POLG: variants seen among roughly 807,000 people sequenced by gnomAD.
POLG encodes DNA polymerase gamma, catalytic subunit.
POLG carries 110 observed loss-of-function variants against 155.4 expected under a neutral mutation model. The observed-to-expected ratio is 0.71, with a 90% CI of 0.61 to 0.83. POLG has a LOEUF of 0.83. Ranked by LOEUF, POLG falls within the 40% of genes least tolerant of loss-of-function variation. POLG has a pLI of 0.00. For missense variants in POLG, 1,685 were observed against 1,627.5 expected (o/e 1.04, Z -0.61); for synonymous variants, 701 against 631.5 (o/e 1.11, Z -1.65).
At chr15:89,330,366 G>T in intron 2 of POLG, 90 bp from the exon 3 acceptor site, 2 of 1,008,214 alleles carry the variant, frequency 2.0e-6, no homozygotes, top group Non-Finnish European at 1.5e-6. Flanking sequence ...CCACATGCCA[G>T]ATGGTGCATT....
In POLG at chr15:89,329,087, G is replaced by A. The variant is rs1206132846; in HGVS notation, c.879C>T (p.Asp293=). ...AGATGGCCATGTGCATGCTCATGGT[G>A]TCCAGGAAACGCATGCGGGAACCCT... ...LIQGSRMRFL[D]TMSMHMAISG... Residue 293 remains aspartate, a synonymous_variant, in exon 4 of 23, where the codon GAC becomes GAT. Coordinates refer to ENST00000268124, the MANE Select transcript of POLG (RefSeq NM_002693.3). The A allele has an allele frequency of 6.2e-7, 1 of 1,612,670 alleles. No individual in the cohort carries two copies. Among genetic ancestry groups the A allele is most frequent in the Non-Finnish European group, 8.5e-7 (1 of 1,179,980 alleles).
intron 10 of POLG, among the ~76,000 whole-genome samples, chr15:89,325,037 A>AGAGTGAGTGAGTGAGTGAGTGAGTGAGT (rs71824331): frequency 1.4e-5 from 1 of 70,866 alleles, no homozygotes; most frequent in African/African-American, 5.5e-5. Context: ...CTGAACCCAG[A>AGAGTGAGTGAGTGAGTGAGTGAGTGAGT]GAGTGAGTGA....
intron 19 of POLG, 55 bp from the exon 20 acceptor site, chr15:89,319,154 A>G (rs1187264159): frequency 4.3e-6 from 7 of 1,614,054 alleles, no homozygotes; most frequent in Non-Finnish European, 5.9e-6. Flanking sequence ...CAAAGCTAAA[A>G]AACAAAGCAT....
At chr15:89,329,565 AG>A (rs3176172) in intron 3 of POLG, among the ~76,000 whole-genome samples, 2 of 152,228 alleles carry the variant, frequency 1.3e-5, no homozygotes, top group Admixed American at 6.5e-5. Context: ...CCTATCTTCT[AG>A]GGCTGTTGTG....
chr15:89,333,039 A>C (rs1879551086), intron 2 of POLG, 57 bp downstream of exon 2: 2 of 1,491,468 alleles, frequency 1.3e-6, no homozygotes, highest in Non-Finnish European at 1.8e-6. Flanking sequence ...TCACTGAAAC[A>C]AACTATTAAG....
At chr15:89,325,045 T>TGAGTGAGTGAGA (rs1374467179) in intron 10 of POLG, among the ~76,000 whole-genome samples, 1 of 114,630 alleles carries the variant, frequency 8.7e-6, no homozygotes, top group Non-Finnish European at 1.6e-5. Flanking sequence ...AGAGAGTGAG[T>TGAGTGAGTGAGA]GAGTGAGTGA....
intron 21 of POLG, chr15:89,317,942 A>G (rs2055326484): frequency 6.2e-6 from 2 of 320,382 alleles, no homozygotes; most frequent in South Asian, 2.8e-5. Flanking sequence ...TATTTACCCA[A>G]TAATCAGGAT....
intron 14 of POLG, among the ~76,000 whole-genome samples, chr15:89,322,339 G>A (rs913839193): frequency 6.6e-6 from 1 of 152,156 alleles, no homozygotes; most frequent in Non-Finnish European, 1.5e-5. Context: ...CACTCTGCTC[G>A]CCAGTGTGCT....
intron 6 of POLG, 35 bp from the exon 7 acceptor site, chr15:89,327,384 C>A: frequency 6.2e-7 from 1 of 1,602,482 alleles, no homozygotes. Flanking sequence ...CCATAAATGA[C>A]CACAGGAGGC....
chr15:89,316,673 AGCT>A lies in POLG; in HGVS notation c.*75_*77del. 7.6e-7 allele frequency: 1 copy of A among 1,318,140 alleles called. No individual in the cohort carries two copies. Among genetic ancestry groups the A allele is most frequent in the Non-Finnish European group, 1.1e-6 (1 of 913,664 alleles). 81.7% of individuals were successfully genotyped at this position (1,318,140 alleles called of 1,614,324 possible). A position where few individuals can be genotyped will look rare whatever the true frequency, so the allele number is the denominator to read the frequency against. On this transcript the variant is annotated 3_prime_UTR_variant, in exon 23 of 23. Transcript: ENST00000268124. ...AGGCAAGCCCTTTTGCAAAAAGCAC[AGCT>A]GAAAGCCTGAGTTTGGGAGCCTGCA...
intron 2 of POLG, among the ~76,000 whole-genome samples, chr15:89,332,608 GGGGGC>G (rs2055608279): frequency 6.7e-6 from 1 of 150,134 alleles, no homozygotes; most frequent in Non-Finnish European, 1.5e-5. Context: ...GCGGGGGCAG[GGGGGC>G]GGGGGGGTGT....
chr15:89,333,996 C>G, intron 1 of POLG, 83 bp from the exon 2 acceptor site: 1 of 581,834 alleles, frequency 1.7e-6, no homozygotes, highest in Non-Finnish European at 3.0e-6. Flanking sequence ...TGAGCATTTA[C>G]TGCGTCCCCA....
intron 3 of POLG, 83 bp downstream of exon 3, chr15:89,329,998 A>G: frequency 8.5e-7 from 1 of 1,173,050 alleles, no homozygotes; most frequent in Admixed American, 1.7e-5. Context: ...CGTGCCAGGA[A>G]AGGAGTACCT....
intron 3 of POLG, 25 bp from the exon 4 acceptor site, chr15:89,329,135 A>G (rs755899811): frequency 6.2e-7 from 1 of 1,600,102 alleles, no homozygotes; most frequent in Non-Finnish European, 8.5e-7. Context: ...GAGAAAAGGG[A>G]AGGGAAGGAG....
chr15:89,317,770 T>TTTTC, intron 21 of POLG: 1 of 561,138 alleles, frequency 1.8e-6, no homozygotes, highest in South Asian at 2.1e-5. Context: ...TTTTTTTTTT[T>TTTTC]TTCCCAGTTT....
chr15:89,316,483 A>C lies in POLG; in HGVS notation c.*268T>G, dbSNP rs189180872. 1.1e-5 allele frequency: 18 copies of C among 1,597,386 alleles called. No individual in the cohort carries two copies. The highest frequency in any genetic ancestry group is 1.5e-5 in the Non-Finnish European group (17 of 1,170,532). On this transcript the variant is annotated 3_prime_UTR_variant, in exon 23 of 23. Coordinates refer to ENST00000268124, the MANE Select transcript of POLG (RefSeq NM_002693.3). ...AAATGAAATGCCTGAGTTAATGTGA[A>C]CTTTGGGGCTTCTGCTTCATTTTTA... is the stretch of plus-strand genomic sequence containing the variant.
At chr15:89,317,716 A>G in intron 21 of POLG, 180 bp from the exon 22 acceptor site, 1 of 650,712 alleles carries the variant, frequency 1.5e-6, no homozygotes, top group Non-Finnish European at 2.7e-6. Flanking sequence ...CAGCAGCCTA[A>G]CCTCCCACTG....
rs145083754 is a variant in POLG at position 89,325,284 on chromosome 15, AAGAG to A, written c.1949+162_1949+165del. Among the ~76,000 whole-genome samples, 257 of 57,410 alleles carry A rather than the reference AAGAG, an allele frequency of 4.5e-3. 73 individuals are homozygous for A. Among genetic ancestry groups the A allele is most frequent in the African/African-American group, 0.026 (205 of 7,786 alleles). 37.7% of individuals were successfully genotyped at this position (57,410 alleles called of 152,430 possible). A position where few individuals can be genotyped will look rare whatever the true frequency, so the allele number is the denominator to read the frequency against. On this transcript the variant is annotated intron_variant, in intron 10 of 22. Transcript: ENST00000268124. ...TGAGTGAGTGAGTGAGAGAGAGAGA[AAGAG>A]AGAGAGAGAGGGTGTGTGTGTGTGT... is the stretch of plus-strand genomic sequence containing the variant.
intron 21 of POLG, chr15:89,318,021 A>G (rs1465478922): frequency 6.9e-6 from 2 of 291,396 alleles, no homozygotes; most frequent in Non-Finnish European, 1.3e-5. Context: ...ATTCATCCAT[A>G]TGAACTAGGA....
Sources: gnomAD v4.1 joint callset for allele counts (sites outside exome capture counted in the v4.1 genomes callset) on GRCh38, gnomAD v4.1.1 for gene constraint, MANE v1.5 for transcripts, NCBI Gene and HGNC (gene_info 2026-07-23, HGNC 2026-07-21) for gene names.